Variants in GALNT13 observed in about 807,000 individuals in gnomAD.
GALNT13 encodes UDP-GalNAc:polypeptide N-acetylgalactosaminyltransferase 13.
A neutral mutation model predicts 64.2 loss-of-function variants in GALNT13; 28 were observed. The ratio of observed to expected loss-of-function variants is 0.44; its 90% confidence interval spans 0.32 to 0.60. The LOEUF (loss-of-function observed/expected upper bound fraction) is 0.60. Ranked by LOEUF, GALNT13 falls within the 20% of genes least tolerant of loss-of-function variation. The probability of loss-of-function intolerance (pLI) is 0.05; values close to 1 mark genes in which losing one functional copy is unlikely to be tolerated. For synonymous variants in GALNT13, 214 were observed against 224.6 expected (o/e 0.95, Z 0.42); for missense variants, 577 against 669.8 (o/e 0.86, Z 1.53).
chr2:153,915,141 C>T (rs1001253702), intron 2 of GALNT13, among the ~76,000 whole-genome samples: 1 of 152,156 alleles, frequency 6.6e-6, no homozygotes, highest in Non-Finnish European at 1.5e-5. Context: ...AGAAAGTTAC[C>T]TGCCCATTCA....
intron 2 of GALNT13, among the ~76,000 whole-genome samples, chr2:153,920,230 A>T (rs951424655): frequency 7.3e-5 from 11 of 151,386 alleles, no homozygotes; most frequent in South Asian, 2.1e-4. Context: ...AACTTAGAAT[A>T]TGCATTCAGA....
At chr2:153,854,257 T>C in the GALNT13 span, among the ~76,000 whole-genome samples, 6 of 151,542 alleles carry the variant, frequency 4.0e-5, no homozygotes, top group African/African-American at 1.5e-4. Context: ...ATAATTAAGA[T>C]ATTTTATATA....
chr2:153,518,738 TG>T, the GALNT13 span, among the ~76,000 whole-genome samples: 1 of 152,172 alleles, frequency 6.6e-6, no homozygotes, highest in African/African-American at 2.4e-5. Flanking sequence ...GTGAAATATC[TG>T]GTATCTGGTT....
At chr2:154,385,819 A>G (rs1261176924) in intron 9 of GALNT13, among the ~76,000 whole-genome samples, 3 of 152,130 alleles carry the variant, frequency 2.0e-5, no homozygotes, top group Admixed American at 1.3e-4. Flanking sequence ...CTTATGATAC[A>G]TGGGAAGAAC....
At chr2:153,095,439 G>T in the GALNT13 span, among the ~76,000 whole-genome samples, 1 of 152,304 alleles carries the variant, frequency 6.6e-6, no homozygotes, top group South Asian at 2.1e-4. Context: ...ACTGTTGATG[G>T]AACTGTAAAC....
At chr2:153,923,542 T>G (rs1259641682) in intron 2 of GALNT13, among the ~76,000 whole-genome samples, 1 of 152,158 alleles carries the variant, frequency 6.6e-6, no homozygotes, top group Non-Finnish European at 1.5e-5. Context: ...ATGGTTGTTT[T>G]TATTTTTTTT....
At chr2:154,290,478 A>G (rs1692541557) in intron 8 of GALNT13, among the ~76,000 whole-genome samples, 1 of 152,228 alleles carries the variant, frequency 6.6e-6, no homozygotes, top group Admixed American at 6.5e-5. Flanking sequence ...AAGAATGTAC[A>G]TACAGGACAT....
Position 154,271,313 on chromosome 2 carries a change from A to G in GALNT13, c.975+12175A>G, listed in dbSNP as rs1415507439. On this transcript the variant is annotated intron_variant, in intron 8 of 12. Coordinates refer to ENST00000392825, the MANE Select transcript of GALNT13 (RefSeq NM_052917.4). ...TGGCCATTACTGGCTGCAATGAAATATCTATGCTAGCTTGTAACAGCTGTC... is the reference window on the plus strand; with the variant it reads ...TGGCCATTACTGGCTGCAATGAAATGTCTATGCTAGCTTGTAACAGCTGTC... 2.0e-5 allele frequency among the ~76,000 whole-genome samples: 3 copies of G among 152,018 alleles called. No individual in the cohort carries two copies. In the South Asian group the frequency reaches 6.2e-4, roughly 31 times the overall value.
chr2:153,330,082 T>C, the GALNT13 span, among the ~76,000 whole-genome samples: 2 of 152,168 alleles, frequency 1.3e-5, no homozygotes, highest in Non-Finnish European at 2.9e-5. Context: ...GTTCAGATGG[T>C]TGTAGGTGTG....
At chr2:154,342,233 G>C (rs1469464685) in intron 9 of GALNT13, among the ~76,000 whole-genome samples, 1 of 152,028 alleles carries the variant, frequency 6.6e-6, no homozygotes, top group South Asian at 2.1e-4. Context: ...CTCACCAAGA[G>C]AATGGAGGTA....
At chr2:153,722,503 A>G in the GALNT13 span, among the ~76,000 whole-genome samples, 1 of 149,194 alleles carries the variant, frequency 6.7e-6, no homozygotes, top group South Asian at 2.2e-4. Context: ...CCTTCAAAAA[A>G]TCAATGAATC....
intron 1 of GALNT13, among the ~76,000 whole-genome samples, chr2:153,890,030 G>A (rs1687451447): frequency 6.6e-6 from 1 of 151,640 alleles, no homozygotes; most frequent in Non-Finnish European, 1.5e-5. Flanking sequence ...CAAGATAATT[G>A]TTCTCTCATT....
the GALNT13 span, among the ~76,000 whole-genome samples, chr2:153,269,778 G>C: frequency 6.6e-6 from 1 of 152,050 alleles, no homozygotes; most frequent in African/African-American, 2.4e-5. Context: ...TTAAAATCAT[G>C]GTTGAAGGTG....
chr2:154,150,752 T>A (rs368905791), intron 4 of GALNT13, among the ~76,000 whole-genome samples: 1 of 152,240 alleles, frequency 6.6e-6, no homozygotes, highest in African/African-American at 2.4e-5. Flanking sequence ...GGTAGTTTGT[T>A]TTTCTGTGGG....
the GALNT13 span, among the ~76,000 whole-genome samples, chr2:153,622,607 T>A: frequency 1.3e-5 from 2 of 151,620 alleles, no homozygotes; most frequent in African/African-American, 2.4e-5. Context: ...CATTTCATAA[T>A]TTTTTTCTAG....
At chr2:153,922,161 G>A (rs1326172803) in intron 2 of GALNT13, among the ~76,000 whole-genome samples, 1 of 152,070 alleles carries the variant, frequency 6.6e-6, no homozygotes, top group Non-Finnish European at 1.5e-5. Flanking sequence ...AATGGATGTG[G>A]GAAATCAGAG....
the GALNT13 span, among the ~76,000 whole-genome samples, chr2:153,726,370 A>AGTTACCTTAG: frequency 1.3e-5 from 2 of 152,104 alleles, no homozygotes; most frequent in Non-Finnish European, 2.9e-5. Context: ...ATGTGGAATC[A>AGTTACCTTAG]GTACCTTAGG....
chr2:153,226,948 C>G, the GALNT13 span, among the ~76,000 whole-genome samples: 2 of 152,158 alleles, frequency 1.3e-5, no homozygotes, highest in African/African-American at 2.4e-5. Context: ...AGGACCATAG[C>G]CACTTCATCC....
chr2:153,854,475 G>A, the GALNT13 span, among the ~76,000 whole-genome samples: 1 of 151,862 alleles, frequency 6.6e-6, no homozygotes, highest in African/African-American at 2.4e-5. Context: ...CAGCTAGTAG[G>A]GAGGCTGAGG....
Sources: allele counts gnomAD v4.1 joint callset (sites outside exome capture counted in the v4.1 genomes callset), GRCh38; gene constraint gnomAD v4.1.1; transcripts MANE v1.5; gene names NCBI Gene and HGNC (gene_info 2026-07-23, HGNC 2026-07-21).